Variants in MGAT4C observed in about 807,000 individuals in gnomAD.
MGAT4C encodes the protein alpha-1,3-mannosyl-glycoprotein 4-beta-N-acetylglucosaminyltransferase C.
Under a neutral mutation model 40.1 loss-of-function variants are expected in MGAT4C, and 19 were observed. The observed-to-expected ratio is 0.47, with a 90% CI of 0.33 to 0.70. The LOEUF (loss-of-function observed/expected upper bound fraction) is 0.70. Ranked by LOEUF, MGAT4C falls within the 30% of genes least tolerant of loss-of-function variation. The probability of loss-of-function intolerance (pLI) is 0.02; values close to 1 mark genes in which losing one functional copy is unlikely to be tolerated. For synonymous variants in MGAT4C, 181 were observed against 187.1 expected (o/e 0.97, Z 0.27); for missense variants, 491 against 563.2 (o/e 0.87, Z 1.30).
intron 3 of MGAT4C, among the ~76,000 whole-genome samples, chr12:85,984,788 T>A (rs780687539): frequency 4.6e-5 from 7 of 152,118 alleles, no homozygotes; most frequent in Non-Finnish European, 7.4e-5. Flanking sequence ...TTATTTAATT[T>A]TTTTCTTTGA....
chr12:86,565,495 G>C (rs1356207925), intron 2 of MGAT4C, among the ~76,000 whole-genome samples: 1 of 152,200 alleles, frequency 6.6e-6, no homozygotes, highest in African/African-American at 2.4e-5. Context: ...GTGGCAAAGA[G>C]AAGTCTTTCC....
At chr12:86,833,781 A>C (rs1952978063) in intron 1 of MGAT4C, among the ~76,000 whole-genome samples, 1 of 151,788 alleles carries the variant, frequency 6.6e-6, no homozygotes, top group African/African-American at 2.4e-5. Flanking sequence ...GTTTGTTTTT[A>C]CAAAAAGTAG....
chr12:86,739,133 CAAAAAAAAA>C (rs59869666), intron 1 of MGAT4C, among the ~76,000 whole-genome samples: 41 of 39,780 alleles, frequency 1.0e-3, no homozygotes, highest in African/African-American at 2.8e-3. Context: ...TTTCCCTGTG[CAAAAAAAAA>C]AAAAAAAAAA....
At chr12:86,641,607 T>A (rs1375298664) in intron 2 of MGAT4C, among the ~76,000 whole-genome samples, 1 of 151,816 alleles carries the variant, frequency 6.6e-6, no homozygotes, top group Non-Finnish European at 1.5e-5. Context: ...GGAGAGAAGG[T>A]GACGGTGCCG....
chr12:86,275,944 C>CAAAAAAA (rs748476574), intron 4 of MGAT4C, among the ~76,000 whole-genome samples: 34 of 69,186 alleles, frequency 4.9e-4, no homozygotes, highest in African/African-American at 1.2e-3. Flanking sequence ...ACTAAAAATC[C>CAAAAAAA]AAAAAAAAAA....
Position 86,516,814 on chromosome 12 carries a change from A to C in MGAT4C, c.-228-81549T>G, listed in dbSNP as rs11103977. 6.6e-5 allele frequency among the ~76,000 whole-genome samples: 10 copies of C among 151,988 alleles called. 1 individual carries two copies. In the East Asian group the frequency reaches 1.9e-3, roughly 29 times the overall value. On this transcript the variant is annotated intron_variant, in intron 2 of 7. Coordinates refer to the MGAT4C transcript ENST00000548651. ...ATTTCTCATATATGAAGTGCAAATT[A>C]GCACAACAATGAGATACCTCTGTCT...
Position 86,054,348 on chromosome 12 carries a change from T to C in MGAT4C, c.-56-4625A>G, listed in dbSNP as rs369532208. ...GACAGATATCACATGTTCTCACTAGTATGTGGGAGTTATTATAAAAAAGCT... is the reference window on the plus strand; with the variant it reads ...GACAGATATCACATGTTCTCACTAGCATGTGGGAGTTATTATAAAAAAGCT... On this transcript the variant is annotated intron_variant, in intron 1 of 4. Transcript: ENST00000611864. Among the ~76,000 whole-genome samples, 12 of 152,098 alleles carry C rather than the reference T, an allele frequency of 7.9e-5. No homozygotes were observed. In the East Asian group the frequency reaches 1.7e-3, roughly 22 times the overall value.
intron 2 of MGAT4C, among the ~76,000 whole-genome samples, chr12:86,440,991 C>T (rs536700990): frequency 5.3e-5 from 8 of 152,152 alleles, no homozygotes; most frequent in East Asian, 3.9e-4. Flanking sequence ...GAAATACATC[C>T]GATGCTCATG....
intron 3 of MGAT4C, among the ~76,000 whole-genome samples, chr12:86,340,204 T>A (rs1009816217): frequency 1.3e-5 from 2 of 152,182 alleles, no homozygotes; most frequent in African/African-American, 4.8e-5. Context: ...TTAAAGAACA[T>A]AACATAATTT....
chr12:86,053,335 T>C (rs990607639), intron 1 of MGAT4C, among the ~76,000 whole-genome samples: 4 of 151,866 alleles, frequency 2.6e-5, no homozygotes, highest in African/African-American at 7.3e-5. Flanking sequence ...GGATGTTCTG[T>C]CCCTTGGTTG....
intron 2 of MGAT4C, among the ~76,000 whole-genome samples, chr12:86,618,996 A>T (rs1962552626): frequency 6.6e-6 from 1 of 152,040 alleles, no homozygotes; most frequent in Non-Finnish European, 1.5e-5. Flanking sequence ...AAGTAACAAT[A>T]AAATATAATA....
At chr12:86,533,695 C>A (rs1321198796) in intron 2 of MGAT4C, among the ~76,000 whole-genome samples, 1 of 151,116 alleles carries the variant, frequency 6.6e-6, no homozygotes, top group Non-Finnish European at 1.5e-5. Flanking sequence ...CTTTATATAT[C>A]TATATATATA....
At chr12:86,485,809 T>A (rs901633602) in intron 2 of MGAT4C, among the ~76,000 whole-genome samples, 1 of 151,836 alleles carries the variant, frequency 6.6e-6, no homozygotes, top group African/African-American at 2.4e-5. Context: ...GGAAAATAAA[T>A]CTTAACAGCA....
intron 1 of MGAT4C, among the ~76,000 whole-genome samples, chr12:86,103,862 T>G (rs566089885): frequency 7.4e-4 from 113 of 152,284 alleles, no homozygotes; most frequent in African/African-American, 2.6e-3. Flanking sequence ...TATTGTTGCA[T>G]CTCTAGAAGT....
At chr12:86,180,298 T>TG in intron 1 of MGAT4C, among the ~76,000 whole-genome samples, 1 of 152,304 alleles carries the variant, frequency 6.6e-6, no homozygotes, top group East Asian at 1.9e-4. Flanking sequence ...TCTGCAGTGG[T>TG]GGGGCCCTCA....
intron 1 of MGAT4C, among the ~76,000 whole-genome samples, chr12:86,740,864 T>A (rs985912905): frequency 5.9e-5 from 9 of 151,274 alleles, no homozygotes; most frequent in African/African-American, 2.2e-4. Context: ...TAATTTCAAC[T>A]TTTATATACA....
chr12:86,407,053 C>G (rs1288547560), intron 3 of MGAT4C, among the ~76,000 whole-genome samples: 2 of 152,066 alleles, frequency 1.3e-5, no homozygotes, highest in African/African-American at 4.8e-5. Flanking sequence ...ATGATTTCCC[C>G]TATGGATTGA....
chr12:86,641,069 T>C (rs906338312), intron 2 of MGAT4C, among the ~76,000 whole-genome samples: 1 of 151,720 alleles, frequency 6.6e-6, no homozygotes, highest in Non-Finnish European at 1.5e-5. Context: ...CGGAAAAAAA[T>C]GTATGTTTAT....
At chr12:86,659,685 C>G (rs1963934209) in intron 2 of MGAT4C, among the ~76,000 whole-genome samples, 1 of 152,008 alleles carries the variant, frequency 6.6e-6, no homozygotes, top group Non-Finnish European at 1.5e-5. Context: ...AGAGACTTAG[C>G]TCCTCTCTTT....
Sources: allele counts gnomAD v4.1 joint callset (sites outside exome capture counted in the v4.1 genomes callset), GRCh38; gene constraint gnomAD v4.1.1; transcripts MANE v1.5; gene names NCBI Gene and HGNC (gene_info 2026-07-23, HGNC 2026-07-21).